The following HADHA variants were observed in gnomAD, a reference collection of about 807,000 sequenced individuals.
HADHA encodes hydroxyacyl-CoA dehydrogenase trifunctional multienzyme complex subunit alpha.
A neutral mutation model predicts 91.3 loss-of-function variants in HADHA; 59 were observed. The ratio of observed to expected loss-of-function variants is 0.65; its 90% CI spans 0.52 to 0.80. The LOEUF is 0.80. Among genes scored for constraint, HADHA ranks in the 30% least tolerant of loss-of-function variants. The pLI is 0.00. For synonymous variants in HADHA, 320 were observed against 338.9 expected (o/e 0.94, Z 0.61); for missense variants, 800 against 927.6 (o/e 0.86, Z 1.79).
At chr2:26,218,178 T>G (rs1243492098) in intron 7 of HADHA, among the ~76,000 whole-genome samples, 1 of 152,002 alleles carries the variant, frequency 6.6e-6, no homozygotes, top group Non-Finnish European at 1.5e-5. Flanking sequence ...TGGGTGACTG[T>G]AATTCCAGCT....
intron 6 of HADHA, 106 bp from the exon 7 acceptor site, chr2:26,230,400 G>A (rs1670595065): frequency 2.6e-6 from 2 of 774,346 alleles, no homozygotes; most frequent in African/African-American, 3.4e-5. Context: ...GAAAAGTCAA[G>A]CCATATGTTT....
intron 4 of HADHA, among the ~76,000 whole-genome samples, chr2:26,235,603 A>G (rs1670729149): frequency 6.6e-6 from 1 of 152,226 alleles, no homozygotes; most frequent in Non-Finnish European, 1.5e-5. Flanking sequence ...AAGACCCAAA[A>G]TTATCTTATC....
intron 7 of HADHA, among the ~76,000 whole-genome samples, chr2:26,219,528 C>T (rs909971763): frequency 6.6e-6 from 1 of 152,250 alleles, no homozygotes; most frequent in Non-Finnish European, 1.5e-5. Context: ...TTCACCACCA[C>T]TGTGAGAAAT....
intron 5 of HADHA, among the ~76,000 whole-genome samples, chr2:26,233,197 G>C (rs1416786923): frequency 6.6e-6 from 1 of 152,214 alleles, no homozygotes; most frequent in Non-Finnish European, 1.5e-5. Context: ...GTTCCTAACA[G>C]GCTATGGCCT....
chr2:26,197,813 G>T, intron 13 of HADHA, 36 bp from the exon 14 acceptor site: 1 of 1,040,802 alleles, frequency 9.6e-7, no homozygotes, highest in Non-Finnish European at 1.5e-6. Context: ...GTGTCAGGTA[G>T]GCCTGGGAGA....
chr2:26,200,171 G>A lies in HADHA; in HGVS notation c.1392+978C>T, dbSNP rs72849174. Among the ~76,000 whole-genome samples, 590 of 152,150 alleles carry A rather than the reference G, an allele frequency of 3.9e-3. 2 individuals are homozygous for A. The highest frequency in any genetic ancestry group is 0.014 in the African/African-American group (561 of 41,504). On this transcript the variant is annotated intron_variant, in intron 13 of 19. Coordinates refer to ENST00000380649, the MANE Select transcript of HADHA (RefSeq NM_000182.5). The stretch of plus-strand genomic sequence containing the variant: ...TTTGTTTATTTATTTATTTTGAGAC[G>A]GAGTTTTGCTCTGTGGTACTCTTAT...
chr2:26,212,516 G>C, intron 10 of HADHA, 54 bp downstream of exon 10: 1 of 1,173,130 alleles, frequency 8.5e-7, no homozygotes, highest in Non-Finnish European at 1.3e-6. Context: ...CAGAGGATTG[G>C]ATCTTTAGTT....
rs3892649 is a variant in HADHA, at chr2:26,234,399, T to G, written c.315-44A>C. ...TAGAGAACAGAGAAAAAGATAAAAC[T>G]ATAATTTATTTGGTTCAATACTTAT... On this transcript the variant is annotated intron_variant, in intron 4 of 19. Coordinates refer to ENST00000380649, the MANE Select transcript of HADHA (RefSeq NM_000182.5). 311,669 of 1,555,656 alleles carry G rather than the reference T, an allele frequency of 0.2. 33,570 individuals carry two copies. Among genetic ancestry groups the G allele is most frequent in the Middle Eastern group, 0.26 (1,548 of 5,902 alleles).
rs1350429116 is a variant in HADHA, at chr2:26,191,371, T to C, written c.2171A>G (p.Tyr724Cys). 6.2e-7 allele frequency: 1 copy of C among 1,614,010 alleles called. No individual in the cohort carries two copies. The highest frequency in any genetic ancestry group is 8.5e-7 in the Non-Finnish European group (1 of 1,180,020). ...CCGGTCCACTATCTTCTGGGCGCCATACAGATCCACAAAGCGGAAAGGCCC... is the reference window on the plus strand; with the variant it reads ...CCGGTCCACTATCTTCTGGGCGCCACACAGATCCACAAAGCGGAAAGGCCC... ...LGGPFRFVDL[Y>C]GAQKIVDRLK... is the part of the protein sequence containing the mutation. The change falls in exon 20 of 20, where the codon TAT becomes TGT. Residue 724 changes from tyrosine (Y) to cysteine (C), a missense_variant. Physicochemically the swap from Tyr to Cys is radical, Grantham distance 194. Transcript: ENST00000380649.
At chr2:26,196,789 G>A (rs1043312033) in intron 14 of HADHA, among the ~76,000 whole-genome samples, 4 of 152,164 alleles carry the variant, frequency 2.6e-5, no homozygotes, top group Admixed American at 2.0e-4. Context: ...CAACGGCATC[G>A]CCTGTACTGA....
chr2:26,217,489 T>A (rs763529123), intron 7 of HADHA, among the ~76,000 whole-genome samples: 1 of 151,968 alleles, frequency 6.6e-6, no homozygotes, highest in Non-Finnish European at 1.5e-5. Context: ...ATAATAACTT[T>A]AAAAAAAATC....
rs1049225059 is a variant in HADHA, at chr2:26,244,565, C to A, written c.32G>T (p.Ser11Ile). The A allele has an allele frequency of 1.1e-5, 17 of 1,588,022 alleles. No homozygotes were observed. The highest frequency in any genetic ancestry group is 1.4e-5 in the Non-Finnish European group (16 of 1,166,836). The change falls in exon 1 of 20, where the codon AGC (serine) becomes ATC (isoleucine). Residue 11 changes from serine (S) to isoleucine (I), a missense_variant. By Grantham distance (142) the Ser-to-Ile change is moderately radical (BLOSUM62 -2). Transcript: ENST00000380649. Reference sequence around the variant, plus strand: ...GAGGATCCTGAAGGCAGAAAAGCGGCTGAGGATGCCAATCGCCCGGCAGGC... The same window carrying A: ...GAGGATCCTGAAGGCAGAAAAGCGGATGAGGATGCCAATCGCCCGGCAGGC... MVACRAIGILSRFSAFRILRS... is the reference protein window; with the variant it reads MVACRAIGILIRFSAFRILRS...
intron 7 of HADHA, among the ~76,000 whole-genome samples, chr2:26,217,518 T>C (rs1670269571): frequency 6.6e-6 from 1 of 151,866 alleles, no homozygotes; most frequent in Admixed American, 6.6e-5. Context: ...CCAAGGCACA[T>C]CATAATCAAA....
At chr2:26,195,921 C>G (rs1237244482) in intron 14 of HADHA, among the ~76,000 whole-genome samples, 5 of 152,242 alleles carry the variant, frequency 3.3e-5, no homozygotes, top group African/African-American at 1.2e-4. Flanking sequence ...TCAGAGAAAC[C>G]CCTCATTGAG....
intron 4 of HADHA, 81 bp from the exon 5 acceptor site, chr2:26,234,436 TTATCC>T: frequency 8.5e-7 from 1 of 1,172,946 alleles, no homozygotes; most frequent in South Asian, 1.2e-5. Context: ...CACTATACAC[TTATCC>T]TATCATGCAT....
At chr2:26,197,876 T>C (rs1388070119) in intron 13 of HADHA, 99 bp from the exon 14 acceptor site, 1 of 758,140 alleles carries the variant, frequency 1.3e-6, no homozygotes, top group Non-Finnish European at 2.5e-6. Flanking sequence ...CAGCCCACTC[T>C]GTCCCCCACA....
rs1012582892 is a variant in HADHA at position 26,221,033 on chromosome 2, A to G, written c.677-5858T>C. 3.3e-5 allele frequency among the ~76,000 whole-genome samples: 5 copies of G among 152,200 alleles called. No individual in the cohort carries two copies. The highest frequency in any genetic ancestry group is 1.2e-4 in the African/African-American group (5 of 41,450). ...TGGGGCATACAAAGACATCCCTTCT[A>G]TGGCAAAGGGTAAGTGTTGCACGTG... On this transcript the variant is annotated intron_variant, in intron 7 of 19. Coordinates refer to ENST00000380649, the MANE Select transcript of HADHA (RefSeq NM_000182.5). The surrounding 1 kb of genome is among the most constrained non-coding windows in gnomAD (Gnocchi z 4.8).
intron 15 of HADHA, 108 bp downstream of exon 15, chr2:26,194,984 T>C (rs759925032): frequency 1.0e-6 from 1 of 989,698 alleles, no homozygotes; most frequent in Non-Finnish European, 1.6e-6. Context: ...GAAAATCATA[T>C]CAAAGTCTGG....
In HADHA at chr2:26,195,226, C is replaced by A; in HGVS notation, c.1486G>T (p.Gly496Cys). The A allele has an allele frequency of 6.2e-7, 1 of 1,613,002 alleles. No individual in the cohort carries two copies. The highest frequency in any genetic ancestry group is 8.5e-7 in the Non-Finnish European group (1 of 1,179,082). Residue 496 changes from glycine to cysteine, a missense_variant, in exon 15 of 20, where the codon GGC becomes TGC. By Grantham distance (159) the Gly-to-Cys change is radical. Transcript: ENST00000380649. ...TCCACGGGAGAGAAGTAGTGCATGC[C>A]AATCACCTGGCAAGGGGAACCAAAA... ...AVSKRPEKVI[G>C]MHYFSPVDKM...
Sources: allele counts gnomAD v4.1 joint callset (sites outside exome capture counted in the v4.1 genomes callset), GRCh38; gene constraint gnomAD v4.1.1; non-coding constraint Gnocchi (gnomAD v3.1); transcripts MANE v1.5; gene names NCBI Gene and HGNC (gene_info 2026-07-23, HGNC 2026-07-21).